Variants in TFDP2 observed in about 807,000 individuals in gnomAD.
The protein encoded by TFDP2 is transcription factor Dp-2 (E2F dimerization partner 2).
Under a neutral mutation model 59.3 loss-of-function variants are expected in TFDP2, and 17 were observed. The ratio of observed to expected loss-of-function variants is 0.29; its 90% CI spans 0.20 to 0.43. The LOEUF is 0.43. Among genes scored for constraint, TFDP2 ranks in the 20% least tolerant of loss-of-function variants. The pLI, the probability that TFDP2 is intolerant of heterozygous loss-of-function variation, is 1.00. For synonymous variants in TFDP2, 180 were observed against 194.7 expected (o/e 0.92, Z 0.63); for missense variants, 391 against 528.8 (o/e 0.74, Z 2.56).
rs11569227 is a variant in TFDP2 at position 141,976,426 on chromosome 3, T to C, written c.519+2094A>G. Among the ~76,000 whole-genome samples, 608 of 152,230 alleles carry C rather than the reference T, an allele frequency of 4.0e-3. 4 individuals are homozygous for C. The highest frequency in any genetic ancestry group is 0.014 in the African/African-American group (575 of 41,532). On this transcript the variant is annotated intron_variant, in intron 7 of 12. Transcript: ENST00000489671. The stretch of plus-strand genomic sequence containing the variant: ...GAATAAAGAGAAAAAAACTCAACCT[T>C]TGTTTATATCCTGGGAAGGTGGTGG...
chr3:141,959,930 G>T, intron 10 of TFDP2, 90 bp from the exon 11 acceptor site: 9 of 1,304,208 alleles, frequency 6.9e-6, no homozygotes, highest in Non-Finnish European at 9.6e-6. Context: ...CAGAATGGGG[G>T]CCTAAATCCA....
chr3:142,144,568 G>T (rs2063094736), intron 1 of TFDP2, among the ~76,000 whole-genome samples: 1 of 151,994 alleles, frequency 6.6e-6, no homozygotes, highest in African/African-American at 2.4e-5. Flanking sequence ...TAGAGATAGG[G>T]TCTCACTCTG....
rs143420664 is a variant in TFDP2, at chr3:142,107,655, A to G, written c.-92-5814T>C. ...CATTCGCACCTCAACTTTATCAGATAAATAGTATTATTTTCATTTTACAGA... is the reference window on the plus strand; with the variant it reads ...CATTCGCACCTCAACTTTATCAGATGAATAGTATTATTTTCATTTTACAGA... On this transcript the variant is annotated intron_variant, in intron 1 of 12. Coordinates refer to ENST00000489671, the MANE Select transcript of TFDP2 (RefSeq NM_001178139.2). 1.1e-4 allele frequency among the ~76,000 whole-genome samples: 17 copies of G among 152,282 alleles called. No homozygotes were observed. The East Asian group carries it at 3.3e-3, about 29-fold the overall frequency.
intron 3 of TFDP2, among the ~76,000 whole-genome samples, chr3:142,008,101 C>G (rs180727745): frequency 9.9e-5 from 15 of 152,246 alleles, no homozygotes; most frequent in African/African-American, 3.6e-4. Context: ...GGTGGAATCA[C>G]CTGGGGAACA....
At chr3:142,090,561 C>T (rs1189006098) in intron 3 of TFDP2, among the ~76,000 whole-genome samples, 1 of 148,814 alleles carries the variant, frequency 6.7e-6, no homozygotes, top group Admixed American at 6.7e-5. Context: ...TTCTTTCTTT[C>T]CTTTTTTTTT....
intron 1 of TFDP2, among the ~76,000 whole-genome samples, chr3:142,107,938 TA>T (rs2061529704): frequency 6.6e-6 from 1 of 152,196 alleles, no homozygotes; most frequent in Non-Finnish European, 1.5e-5. Flanking sequence ...TAAAATCTCA[TA>T]TAGGACATAT....
intron 3 of TFDP2, among the ~76,000 whole-genome samples, chr3:142,057,542 A>C (rs2059784820): frequency 6.6e-6 from 1 of 152,226 alleles, no homozygotes; most frequent in Non-Finnish European, 1.5e-5. Flanking sequence ...GATAATGTGC[A>C]ACTGGGAAGC....
intron 3 of TFDP2, among the ~76,000 whole-genome samples, chr3:142,047,855 C>T (rs1200125787): frequency 6.6e-6 from 1 of 151,566 alleles, no homozygotes; most frequent in Non-Finnish European, 1.5e-5. Flanking sequence ...GATTCTCCTG[C>T]CTCAGCCTGC....
intron 2 of TFDP2, among the ~76,000 whole-genome samples, chr3:142,095,566 T>C (rs1311775339): frequency 6.6e-6 from 1 of 152,262 alleles, no homozygotes; most frequent in African/African-American, 2.4e-5. Context: ...CTTAATTCTA[T>C]GTAGATAATA....
At chr3:142,082,469 G>T (rs983516969) in intron 3 of TFDP2, among the ~76,000 whole-genome samples, 3 of 152,086 alleles carry the variant, frequency 2.0e-5, no homozygotes, top group Non-Finnish European at 4.4e-5. Context: ...GGGCCAAAAA[G>T]GTTGGGGACC....
Position 141,973,683 on chromosome 3 carries a change from CTTTT to C in TFDP2, c.663+361_663+364del, listed in dbSNP as rs200088518. Among the ~76,000 whole-genome samples, 195 of 132,580 alleles carry C rather than the reference CTTTT, an allele frequency of 1.5e-3. 2 individuals carry two copies. The highest frequency in any genetic ancestry group is 4.8e-3 in the African/African-American group (172 of 35,910). 87.0% of individuals were successfully genotyped at this position (132,580 alleles called of 152,430 possible). On this transcript the variant is annotated intron_variant, in intron 8 of 12. Coordinates refer to ENST00000489671, the MANE Select transcript of TFDP2 (RefSeq NM_001178139.2). ...AAGGAAATAAACAGCCGGCTTGATC[CTTTT>C]TTTTTTTTTTTTTTGGATACATACA...
chr3:141,962,313 G>A (rs1321380752), intron 10 of TFDP2, among the ~76,000 whole-genome samples: 1 of 151,984 alleles, frequency 6.6e-6, no homozygotes, highest in African/African-American at 2.4e-5. Flanking sequence ...TTCTTTTTGT[G>A]TCTATAGTCT....
intron 3 of TFDP2, among the ~76,000 whole-genome samples, chr3:142,083,503 T>A (rs1418091983): frequency 6.6e-6 from 1 of 151,970 alleles, no homozygotes; most frequent in Non-Finnish European, 1.5e-5. Context: ...GAAAAAACAA[T>A]CCTAAAATTT....
At chr3:142,008,820 T>C (rs1448399162) in intron 3 of TFDP2, among the ~76,000 whole-genome samples, 1 of 152,052 alleles carries the variant, frequency 6.6e-6, no homozygotes, top group Non-Finnish European at 1.5e-5. Context: ...TATATATACA[T>C]TTTATGTGTG....
intron 3 of TFDP2, among the ~76,000 whole-genome samples, chr3:142,018,099 C>T (rs903363860): frequency 3.9e-5 from 6 of 152,110 alleles, no homozygotes; most frequent in Non-Finnish European, 8.8e-5. Flanking sequence ...CCCATCACCA[C>T]GCTTGGCTAA....
chr3:142,048,760 G>A (rs1947470530), intron 3 of TFDP2, among the ~76,000 whole-genome samples: 2 of 152,048 alleles, frequency 1.3e-5, no homozygotes, highest in South Asian at 4.1e-4. Context: ...GAGACAATGT[G>A]TTACTATGTT....
At chr3:142,097,537 GAAGA>G (rs377539281) in intron 2 of TFDP2, among the ~76,000 whole-genome samples, 1 of 152,054 alleles carries the variant, frequency 6.6e-6, no homozygotes. Context: ...ACAAAGAAAA[GAAGA>G]AATTAAGTGG....
chr3:142,111,258 G>A (rs1028291570), intron 1 of TFDP2, among the ~76,000 whole-genome samples: 6 of 151,594 alleles, frequency 4.0e-5, no homozygotes, highest in Non-Finnish European at 8.8e-5. Flanking sequence ...GTGAAACCCC[G>A]TCTCTACTAA....
At chr3:141,978,837 T>C (rs976023540) in intron 6 of TFDP2, 155 bp from the exon 7 acceptor site, 1 of 595,312 alleles carries the variant, frequency 1.7e-6, no homozygotes, top group Non-Finnish European at 2.7e-6. Context: ...TTATTTAAAC[T>C]TACTTTTTGC....
Sources: allele counts gnomAD v4.1 joint callset (sites outside exome capture counted in the v4.1 genomes callset), GRCh38; gene constraint gnomAD v4.1.1; transcripts MANE v1.5; gene names NCBI Gene and HGNC (gene_info 2026-07-23, HGNC 2026-07-21).